ST7: variants seen among roughly 807,000 people sequenced by gnomAD.
The protein encoded by ST7 is suppression of tumorigenicity 7.
ST7 carries 28 observed loss-of-function variants against 78.7 expected under a neutral mutation model. The observed-to-expected ratio is 0.36, with a 90% confidence interval of 0.26 to 0.49. ST7 has a LOEUF of 0.49. Ranked by LOEUF, ST7 falls within the 20% of genes least tolerant of loss-of-function variation. The pLI, the probability that ST7 is intolerant of heterozygous loss-of-function variation, is 0.99. For synonymous variants in ST7, 247 were observed against 249.6 expected (o/e 0.99, Z 0.10); for missense variants, 418 against 696.0 (o/e 0.60, Z 4.49).
Position 117,097,908 on chromosome 7 carries a change from A to ATTTTTT in ST7, c.152-1839_152-1834dup, listed in dbSNP as rs751549285. ...TATATATATATATATATATATATATATTTTTTTTTTTTTTTTTTTTGATGG... is the reference window on the plus strand; with the variant it reads ...TATATATATATATATATATATATATATTTTTTTTTTTTTTTTTTTTTTTTTTGATGG... On this transcript the variant is annotated intron_variant, in intron 1 of 15. Transcript: ENST00000323984. Among the ~76,000 whole-genome samples the ATTTTTT allele has an allele frequency of 5.0e-4, 15 of 30,012 alleles. 1 individual carries two copies. The East Asian group carries it at 5.1e-3, about 10-fold the overall frequency. 19.7% of individuals were successfully genotyped at this position (30,012 alleles called of 152,430 possible). A position where few individuals can be genotyped will look rare whatever the true frequency, so the allele number is the denominator to read the frequency against.
intron 1 of ST7, among the ~76,000 whole-genome samples, chr7:116,980,515 G>A (rs1459985046): frequency 6.6e-6 from 1 of 152,128 alleles, no homozygotes; most frequent in Non-Finnish European, 1.5e-5. Context: ...GAAGCCCCTG[G>A]ACTTTGACAT....
At chr7:116,989,972 G>A (rs1330942133) in intron 1 of ST7, among the ~76,000 whole-genome samples, 2 of 152,088 alleles carry the variant, frequency 1.3e-5, no homozygotes, top group African/African-American at 4.8e-5. Flanking sequence ...ACAGAGTCTC[G>A]CTCTGTTGCC....
chr7:117,165,734 C>T (rs914834927), intron 9 of ST7, among the ~76,000 whole-genome samples: 1 of 152,020 alleles, frequency 6.6e-6, no homozygotes, highest in Non-Finnish European at 1.5e-5. Flanking sequence ...GAGTACTTAA[C>T]CAGCAGATGA....
At chr7:117,081,315 G>A (rs574706946) in intron 1 of ST7, among the ~76,000 whole-genome samples, 201 of 152,188 alleles carry the variant, frequency 1.3e-3, no homozygotes, top group Non-Finnish European at 1.9e-3. Flanking sequence ...TTAAGGCCAG[G>A]ATAATAATAT....
chr7:117,063,401 A>C (rs1014342417), intron 1 of ST7, among the ~76,000 whole-genome samples: 1 of 152,118 alleles, frequency 6.6e-6, no homozygotes, highest in Non-Finnish European at 1.5e-5. Flanking sequence ...AGATTTTTGC[A>C]TTTATGTTTG....
At chr7:117,216,464 C>T (rs186462313) in intron 13 of ST7, among the ~76,000 whole-genome samples, 1 of 152,244 alleles carries the variant, frequency 6.6e-6, no homozygotes. Flanking sequence ...GTTCAAATGA[C>T]CTTTTTCTAT....
rs114841894 is a variant in ST7, at chr7:117,196,940, A to G, written c.1254+6004A>G. ...TTTGTAGTTTATATTTAAATTTTTA[A>G]TGCATTTTGAGTTGATTTTTGTGTA... is the stretch of plus-strand genomic sequence containing the variant. On this transcript the variant is annotated intron_variant, in intron 12 of 15. Coordinates refer to ENST00000323984, the MANE Select transcript of ST7 (RefSeq NM_001369598.1). Among the ~76,000 whole-genome samples, 1,249 of 152,124 alleles carry G rather than the reference A, an allele frequency of 8.2e-3. 23 individuals are homozygous for G. The highest frequency in any genetic ancestry group is 0.029 in the African/African-American group (1,193 of 41,514).
chr7:117,107,670 A>G (rs955624708), intron 2 of ST7, among the ~76,000 whole-genome samples: 1 of 138,186 alleles, frequency 7.2e-6, no homozygotes, highest in East Asian at 2.1e-4. Context: ...CTGGAGTGCA[A>G]TGGCACAATC....
intron 3 of ST7, among the ~76,000 whole-genome samples, chr7:117,122,034 A>G (rs1196094880): frequency 6.6e-6 from 1 of 152,164 alleles, no homozygotes. Flanking sequence ...TAAAAATATT[A>G]AAGATTAATG....
rs201296280 is a variant in ST7 at position 117,050,276 on chromosome 7, T to C, written c.152-49486T>C. ...ACCTGTGAGAGATCACTTACTGCTGTGATGAGCAATTCACTGGAGAGACAG... is the reference window on the plus strand; with the variant it reads ...ACCTGTGAGAGATCACTTACTGCTGCGATGAGCAATTCACTGGAGAGACAG... On this transcript the variant is annotated intron_variant, in intron 1 of 15. Transcript: ENST00000323984. Among the ~76,000 whole-genome samples the C allele has an allele frequency of 8.6e-5, 13 of 152,038 alleles. No homozygotes were observed. The East Asian group carries it at 2.5e-3, about 29-fold the overall frequency.
intron 1 of ST7, among the ~76,000 whole-genome samples, chr7:117,040,320 C>G (rs564643104): frequency 2.0e-5 from 3 of 151,580 alleles, no homozygotes; most frequent in Admixed American, 6.6e-5. Context: ...TGCAGTGAGC[C>G]GAAATCGCAG....
intron 1 of ST7, among the ~76,000 whole-genome samples, chr7:117,074,298 G>A (rs1799187849): frequency 6.6e-6 from 1 of 152,180 alleles, no homozygotes; most frequent in African/African-American, 2.4e-5. Flanking sequence ...GGTTGAGGCA[G>A]GAGAATCGCT....
At chr7:117,191,222 T>C (rs1016773375) in intron 12 of ST7, among the ~76,000 whole-genome samples, 4 of 152,146 alleles carry the variant, frequency 2.6e-5, no homozygotes, top group Admixed American at 2.0e-4. Context: ...CCCGGGAGTG[T>C]TGACACATTT....
chr7:117,006,710 A>G (rs1472952667), intron 1 of ST7, among the ~76,000 whole-genome samples: 1 of 152,188 alleles, frequency 6.6e-6, no homozygotes, highest in Non-Finnish European at 1.5e-5. Flanking sequence ...TATAAATTGA[A>G]GGTTTGTGGC....
chr7:117,083,163 G>A (rs950990473), intron 1 of ST7, among the ~76,000 whole-genome samples: 1 of 151,700 alleles, frequency 6.6e-6, no homozygotes, highest in Admixed American at 6.6e-5. Context: ...AGTTTCAAGC[G>A]ATTCTCTTGC....
intron 10 of ST7, among the ~76,000 whole-genome samples, chr7:117,187,170 GA>G (rs556679374): frequency 1.8e-3 from 279 of 152,168 alleles, no homozygotes; most frequent in African/African-American, 6.5e-3. Flanking sequence ...GAATAACATT[GA>G]AAATATCTAA....
At chr7:117,211,144 T>C (rs1792255781) in intron 13 of ST7, among the ~76,000 whole-genome samples, 1 of 152,228 alleles carries the variant, frequency 6.6e-6, no homozygotes, top group Non-Finnish European at 1.5e-5. Context: ...CAAAGTTGAT[T>C]GAAAATTTTT....
At chr7:117,155,906 T>C (rs1037708200) in intron 9 of ST7, among the ~76,000 whole-genome samples, 1 of 152,180 alleles carries the variant, frequency 6.6e-6, no homozygotes, top group African/African-American at 2.4e-5. Context: ...CATTCCCACC[T>C]CAGAAACTTT....
intron 1 of ST7, among the ~76,000 whole-genome samples, chr7:117,001,366 G>T (rs2116446371): frequency 6.6e-6 from 1 of 152,284 alleles, no homozygotes; most frequent in South Asian, 2.1e-4. Context: ...CCAATACTAA[G>T]TATAGTTGAG....
Sources: allele counts gnomAD v4.1 joint callset (sites outside exome capture counted in the v4.1 genomes callset), GRCh38; gene constraint gnomAD v4.1.1; transcripts MANE v1.5; gene names NCBI Gene and HGNC (gene_info 2026-07-23, HGNC 2026-07-21).